The following YBX1 variants were observed in gnomAD, a reference collection of about 807,000 sequenced individuals.
YBX1 encodes Y-box-binding protein 1.
In YBX1, 3 loss-of-function variants were observed where a neutral mutation model predicts 41.4. The observed-to-expected ratio is 0.07, with a 90% confidence interval of 0.03 to 0.19. The LOEUF is 0.19. Among genes scored for constraint, YBX1 ranks in the 10% least tolerant of loss-of-function variants. The pLI, the probability that YBX1 is intolerant of heterozygous loss-of-function variation, is 1.00. For synonymous variants in YBX1, 133 were observed against 165.8 expected (o/e 0.80, Z 1.52); for missense variants, 274 against 462.8 (o/e 0.59, Z 3.74).
chr1:42,696,075 G>T lies in YBX1; in HGVS notation c.265-124G>T. ...CTTTCCTAAATTTATTGATGGTTTGGTCTTATTTAAAGCAAATCTTAAGTG... is the reference window on the plus strand; with the variant it reads ...CTTTCCTAAATTTATTGATGGTTTGTTCTTATTTAAAGCAAATCTTAAGTG... On this transcript the variant is annotated intron_variant, in intron 3 of 7. Coordinates refer to ENST00000321358, the MANE Select transcript of YBX1 (RefSeq NM_004559.5). This position sits in a 1 kb window ranked among gnomAD's most constrained non-coding sequence, Gnocchi z 5.7. 1.3e-6 allele frequency: 1 copy of T among 755,438 alleles called. No individual in the cohort carries two copies. Among genetic ancestry groups the T allele is most frequent in the East Asian group, 2.9e-5 (1 of 34,194 alleles). 46.8% of individuals were successfully genotyped at this position (755,438 alleles called of 1,614,324 possible).
chr1:42,700,017 C>A (rs1159126388), intron 6 of YBX1, among the ~76,000 whole-genome samples: 1 of 152,090 alleles, frequency 6.6e-6, no homozygotes, highest in Non-Finnish European at 1.5e-5. Flanking sequence ...GATGGAAAGC[C>A]TAGTTTTTAG....
chr1:42,699,144 T>C (rs1022875294), intron 6 of YBX1, among the ~76,000 whole-genome samples: 11 of 152,198 alleles, frequency 7.2e-5, no homozygotes, highest in Non-Finnish European at 5.9e-5. Context: ...GGAACTGTTT[T>C]CTTTCTCAGA....
intron 7 of YBX1, among the ~76,000 whole-genome samples, chr1:42,701,275 C>T (rs1047004669): frequency 2.6e-5 from 4 of 152,064 alleles, no homozygotes; most frequent in Non-Finnish European, 5.9e-5. Flanking sequence ...ACACTGGAGA[C>T]CTGTATTTTC....
chr1:42,699,799 A>C (rs751597181), intron 6 of YBX1, among the ~76,000 whole-genome samples: 1 of 152,142 alleles, frequency 6.6e-6, no homozygotes, highest in Non-Finnish European at 1.5e-5. Flanking sequence ...TCCTAGATTA[A>C]GAATGAGAAA....
At position 42,696,544 on chromosome 1, in the gene YBX1, G is replaced by GT. The variant is rs1232578880; in HGVS notation, c.355-92dup. On this transcript the variant is annotated intron_variant, in intron 4 of 7. Coordinates refer to ENST00000321358, the MANE Select transcript of YBX1 (RefSeq NM_004559.5). This position sits in a 1 kb window ranked among gnomAD's most constrained non-coding sequence, Gnocchi z 5.7. ...CCCCTTTTTTTTCCTTAACTTTGTT[G>GT]TTTTTTGCTTTGTTTGAAAATGTTC... 2.1e-5 allele frequency: 11 copies of GT among 533,360 alleles called. No individual in the cohort carries two copies. In the East Asian group the frequency reaches 3.4e-4, roughly 17 times the overall value. The allele number at this position is 533,360 out of a possible 1,614,324, so 33.0% of individuals were successfully genotyped here.
chr1:42,685,043 A>G (rs529035561), intron 2 of YBX1, among the ~76,000 whole-genome samples: 1 of 152,348 alleles, frequency 6.6e-6, no homozygotes, highest in South Asian at 2.1e-4. Context: ...CCCTTGACCC[A>G]ATGTAATGGT....
In YBX1 at chr1:42,702,407, A is replaced by G. The variant is rs1650626789; in HGVS notation, c.*458A>G. On this transcript the variant is annotated 3_prime_UTR_variant, in exon 8 of 8. Transcript: ENST00000321358. The stretch of plus-strand genomic sequence containing the variant: ...AGTTTGTAAGTATTTAGCTATTTAT[A>G]GGACCCTTAGCTTGACCCAGTCTAC... 1 of 152,656 alleles carries G rather than the reference A, an allele frequency of 6.6e-6. No individual in the cohort carries two copies. The highest frequency in any genetic ancestry group is 2.1e-4 in the South Asian group (1 of 4,836). The allele number at this position is 152,656 out of a possible 1,614,324, so 9.5% of individuals were successfully genotyped here. A position where few individuals can be genotyped will look rare whatever the true frequency, so the allele number is the denominator to read the frequency against.
At position 42,683,425 on chromosome 1, in the gene YBX1, A is replaced by G; in HGVS notation, c.189A>G (p.Val63=). The G allele has an allele frequency of 6.2e-7, 1 of 1,614,214 alleles. No homozygotes were observed. Among genetic ancestry groups the G allele is most frequent in the Non-Finnish European group, 8.5e-7 (1 of 1,180,034 alleles). Residue 63 remains valine (V), a synonymous_variant, in exon 2 of 8, where the codon GTA becomes GTG. Transcript: ENST00000321358. ...KVIATKVLGT[V]KWFNVRNGYG... is the part of the protein sequence containing the mutation. ...CAGCAACGAAGGTTTTGGGAACAGTAAAATGGTTCAATGTAAGGAACGGAT... is the reference window on the plus strand; with the variant it reads ...CAGCAACGAAGGTTTTGGGAACAGTGAAATGGTTCAATGTAAGGAACGGAT...
intron 3 of YBX1, among the ~76,000 whole-genome samples, chr1:42,694,566 T>C (rs1007891237): frequency 2.0e-5 from 3 of 152,174 alleles, no homozygotes; most frequent in African/African-American, 7.2e-5. Flanking sequence ...GCATGTTTCA[T>C]AGGAAGGGCT....
At chr1:42,697,400 C>T (rs1025319299) in intron 6 of YBX1, 138 bp downstream of exon 6, 5 of 791,738 alleles carry the variant, frequency 6.3e-6, no homozygotes, top group Middle Eastern at 2.4e-4. Context: ...AAGAGGTGAA[C>T]CTATTAAAAA....
chr1:42,690,111 A>G (rs1650293271), intron 2 of YBX1, among the ~76,000 whole-genome samples: 1 of 152,084 alleles, frequency 6.6e-6, no homozygotes, highest in Non-Finnish European at 1.5e-5. Context: ...CCAGCTACTC[A>G]TGGCTGAAGT....
intron 2 of YBX1, among the ~76,000 whole-genome samples, chr1:42,683,811 C>G (rs1056907052): frequency 6.6e-6 from 1 of 152,140 alleles, no homozygotes; most frequent in African/African-American, 2.4e-5. Flanking sequence ...TCATCTTTTT[C>G]TACTTTATTG....
chr1:42,687,001 C>A (rs1015858625), intron 2 of YBX1, among the ~76,000 whole-genome samples: 1 of 152,092 alleles, frequency 6.6e-6, no homozygotes, highest in Non-Finnish European at 1.5e-5. Flanking sequence ...TATTTTTAGC[C>A]GTTGAAAGAC....
intron 6 of YBX1, among the ~76,000 whole-genome samples, chr1:42,698,004 C>T (rs1650503191): frequency 6.6e-6 from 1 of 152,102 alleles, no homozygotes. Context: ...CTGACAGGTA[C>T]CTCTGAAGAA....
intron 2 of YBX1, among the ~76,000 whole-genome samples, chr1:42,692,994 T>C (rs1650376928): frequency 6.6e-6 from 1 of 152,160 alleles, no homozygotes; most frequent in African/African-American, 2.4e-5. Flanking sequence ...CACCCAAAGG[T>C]CACAGTTCCC....
At chr1:42,691,821 C>A (rs1650345539) in intron 2 of YBX1, among the ~76,000 whole-genome samples, 1 of 152,172 alleles carries the variant, frequency 6.6e-6, no homozygotes, top group Admixed American at 6.5e-5. Flanking sequence ...CCACCACTTC[C>A]ATTAATGCAG....
At chr1:42,691,469 T>C (rs1650325220) in intron 2 of YBX1, among the ~76,000 whole-genome samples, 1 of 152,196 alleles carries the variant, frequency 6.6e-6, no homozygotes, top group East Asian at 1.9e-4. Context: ...GAGGCCCGGC[T>C]AATTTTTTAT....
intron 7 of YBX1, among the ~76,000 whole-genome samples, chr1:42,701,579 T>G (rs1043838880): frequency 6.6e-6 from 1 of 152,062 alleles, no homozygotes; most frequent in Admixed American, 6.5e-5. Flanking sequence ...CGAGAGTGTT[T>G]CGTGTCTAAA....
chr1:42,696,580 T>C lies in YBX1; in HGVS notation c.355-62T>C. ...TGTTTGAAAATGTTCTGATTTCCTT[T>C]TGAAAGTGTTGAAAGTGTTCTGATT... On this transcript the variant is annotated intron_variant, in intron 4 of 7. Transcript: ENST00000321358. The surrounding 1 kb of genome is among the most constrained non-coding windows in gnomAD (Gnocchi z 5.7). 7.6e-7 allele frequency: 1 copy of C among 1,310,402 alleles called. No individual in the cohort carries two copies. Among genetic ancestry groups the C allele is most frequent in the Non-Finnish European group, 9.9e-7 (1 of 1,005,088 alleles). 81.2% of individuals were successfully genotyped at this position (1,310,402 alleles called of 1,614,324 possible).
Sources: gnomAD v4.1 joint callset for allele counts (sites outside exome capture counted in the v4.1 genomes callset) on GRCh38, gnomAD v4.1.1 for gene constraint, Gnocchi (gnomAD v3.1) non-coding constraint, MANE v1.5 for transcripts, NCBI Gene and HGNC (gene_info 2026-07-23, HGNC 2026-07-21) for gene names.